SGCZ: variants seen among roughly 807,000 people sequenced by gnomAD.
The protein encoded by SGCZ is sarcoglycan zeta.
Under a neutral mutation model 41.3 loss-of-function variants are expected in SGCZ, and 40 were observed. That is an observed-to-expected ratio of 0.97 (90% CI 0.75 to 1.26). The LOEUF (loss-of-function observed/expected upper bound fraction) is 1.26, where lower values mean the gene tolerates loss of function less well. Ranked by LOEUF, SGCZ falls within the 50% of genes most tolerant of loss-of-function variation. The pLI, the probability that SGCZ is intolerant of heterozygous loss-of-function variation, is 0.00. For synonymous variants in SGCZ, 206 were observed against 137.5 expected (o/e 1.50, Z -3.49); for missense variants, 552 against 369.8 (o/e 1.49, Z -4.04).
intron 1 of SGCZ, among the ~76,000 whole-genome samples, chr8:14,943,034 A>C (rs76256932): frequency 6.6e-6 from 1 of 152,212 alleles, no homozygotes; most frequent in Admixed American, 6.5e-5. Context: ...ACTGTGAAAA[A>C]TAAAACATTA....
intron 1 of SGCZ, among the ~76,000 whole-genome samples, chr8:14,579,719 T>C (rs1313760579): frequency 6.6e-6 from 1 of 152,192 alleles, no homozygotes. Context: ...CAAAGAAAAT[T>C]AGTTGAGGCT....
At chr8:14,752,606 C>T (rs1563246551) in intron 1 of SGCZ, among the ~76,000 whole-genome samples, 2 of 152,100 alleles carry the variant, frequency 1.3e-5, no homozygotes, top group Admixed American at 6.5e-5. Flanking sequence ...AAAATACTCC[C>T]TTGGTCTATA....
intron 4 of SGCZ, among the ~76,000 whole-genome samples, chr8:14,212,092 G>C (rs181348061): frequency 1.3e-4 from 20 of 152,068 alleles, no homozygotes; most frequent in Admixed American, 4.6e-4. Context: ...AAGAGTCCTC[G>C]ATCTTGTAGC....
chr8:14,393,473 G>C (rs925952973), intron 2 of SGCZ, among the ~76,000 whole-genome samples: 3 of 152,098 alleles, frequency 2.0e-5, no homozygotes, highest in Non-Finnish European at 2.9e-5. Flanking sequence ...ATAAGATTAC[G>C]GTGGGGCGAC....
intron 1 of SGCZ, among the ~76,000 whole-genome samples, chr8:14,877,961 G>T (rs1804427079): frequency 1.3e-5 from 2 of 151,920 alleles, no homozygotes; most frequent in South Asian, 4.2e-4. Flanking sequence ...TTGAGAAGTG[G>T]GCTGTACTGA....
intron 1 of SGCZ, among the ~76,000 whole-genome samples, chr8:14,915,591 G>A (rs747730807): frequency 4.5e-4 from 68 of 152,056 alleles, no homozygotes; most frequent in Admixed American, 1.9e-3. Flanking sequence ...AGATGGCACC[G>A]ATCAACTGGA....
intron 3 of SGCZ, among the ~76,000 whole-genome samples, chr8:14,290,550 G>T (rs956595640): frequency 6.6e-6 from 1 of 151,918 alleles, no homozygotes; most frequent in Admixed American, 6.6e-5. Flanking sequence ...TTTCTCAAAA[G>T]AAGACATTCA....
At chr8:14,413,383 A>G (rs527878569) in intron 2 of SGCZ, among the ~76,000 whole-genome samples, 11 of 152,070 alleles carry the variant, frequency 7.2e-5, no homozygotes, top group Non-Finnish European at 1.3e-4. Flanking sequence ...TCTCTGCCCA[A>G]TAAGTTCAAT....
At chr8:15,157,966 G>C (rs1350851388) in intron 1 of SGCZ, among the ~76,000 whole-genome samples, 5 of 152,142 alleles carry the variant, frequency 3.3e-5, no homozygotes, top group Non-Finnish European at 4.4e-5. Flanking sequence ...CTCTTGCCCA[G>C]TGACTGGCAG....
intron 2 of SGCZ, among the ~76,000 whole-genome samples, chr8:14,377,861 A>G (rs2117181092): frequency 1.3e-5 from 2 of 151,852 alleles, no homozygotes; most frequent in African/African-American, 4.8e-5. Flanking sequence ...ACATGAACTC[A>G]TCATTTTTTA....
chr8:14,848,556 G>C (rs558779875), intron 1 of SGCZ, among the ~76,000 whole-genome samples: 2 of 152,120 alleles, frequency 1.3e-5, no homozygotes, highest in Non-Finnish European at 2.9e-5. Context: ...ACCCACACAC[G>C]TATGGAAATT....
intron 2 of SGCZ, among the ~76,000 whole-genome samples, chr8:14,379,307 G>T (rs1392340246): frequency 1.3e-5 from 2 of 152,274 alleles, no homozygotes; most frequent in East Asian, 3.9e-4. Context: ...ACTTACGTAA[G>T]TCAATAGCCT....
intron 1 of SGCZ, among the ~76,000 whole-genome samples, chr8:15,153,156 A>G (rs17609670): frequency 0.014 from 2,155 of 152,302 alleles, 41 homozygotes; most frequent in East Asian, 0.076. Flanking sequence ...TTTTAGATGT[A>G]CAGGAGATAA....
chr8:14,611,401 AT>A (rs1805925176), intron 1 of SGCZ, among the ~76,000 whole-genome samples: 1 of 152,146 alleles, frequency 6.6e-6, no homozygotes, highest in South Asian at 2.1e-4. Context: ...ACTTTTAGAG[AT>A]TATGGCTTTC....
chr8:14,677,640 C>A (rs964122906), intron 1 of SGCZ, among the ~76,000 whole-genome samples: 1 of 151,980 alleles, frequency 6.6e-6, no homozygotes, highest in Non-Finnish European at 1.5e-5. Context: ...GAGGGGTGGC[C>A]TGTGCCTGTA....
intron 2 of SGCZ, among the ~76,000 whole-genome samples, chr8:14,527,794 C>G (rs1802999694): frequency 6.6e-6 from 1 of 152,044 alleles, no homozygotes; most frequent in African/African-American, 2.4e-5. Context: ...CTCAGCCAGT[C>G]CTATTGAGTA....
In SGCZ at chr8:14,748,429, T is replaced by G. The variant is rs79910942; in HGVS notation, c.40-193503A>C. Among the ~76,000 whole-genome samples the G allele has an allele frequency of 7.2e-3, 1,102 of 152,266 alleles. 9 individuals carry two copies. The highest frequency in any genetic ancestry group is 0.02 in the Middle Eastern group (6 of 294). On this transcript the variant is annotated intron_variant, in intron 1 of 7. Coordinates refer to ENST00000382080, the MANE Select transcript of SGCZ (RefSeq NM_139167.4). ...TTCTATCCTTTAGGTTGTAATAAAT[T>G]GGACCAAAATCTTCGAATGTCAGAG...
chr8:15,051,809 T>C (rs1310631293), intron 1 of SGCZ, among the ~76,000 whole-genome samples: 1 of 152,186 alleles, frequency 6.6e-6, no homozygotes, highest in African/African-American at 2.4e-5. Context: ...AAACCAGTGT[T>C]TTAACCATAG....
intron 2 of SGCZ, among the ~76,000 whole-genome samples, chr8:14,456,561 A>G (rs550772484): frequency 7.2e-5 from 11 of 152,314 alleles, no homozygotes; most frequent in African/African-American, 2.4e-4. Context: ...AAAGAAACAC[A>G]AGGAGGACAA....
Sources: gnomAD v4.1 joint callset for allele counts (sites outside exome capture counted in the v4.1 genomes callset) on GRCh38, gnomAD v4.1.1 for gene constraint, MANE v1.5 for transcripts, NCBI Gene and HGNC (gene_info 2026-07-23, HGNC 2026-07-21) for gene names.